KLF12: variants seen among roughly 807,000 people sequenced by gnomAD.
KLF12 encodes KLF transcription factor 12.
In KLF12, 9 loss-of-function variants were observed where a neutral mutation model predicts 37.8. The ratio of observed to expected loss-of-function variants is 0.24; its 90% CI spans 0.14 to 0.42. The LOEUF (loss-of-function observed/expected upper bound fraction) is 0.42. Among genes scored for constraint, KLF12 ranks in the 10% least tolerant of loss-of-function variants. KLF12 has a pLI of 1.00. For synonymous variants in KLF12, 208 were observed against 202.1 expected (o/e 1.03, Z -0.25); for missense variants, 411 against 516.0 (o/e 0.80, Z 1.97).
the KLF12 span, among the ~76,000 whole-genome samples, chr13:74,144,166 G>A: frequency 2.6e-5 from 4 of 152,290 alleles, no homozygotes; most frequent in East Asian, 1.9e-4. Flanking sequence ...TTGTAAATGA[G>A]TGTGAATTCC....
intron 5 of KLF12, among the ~76,000 whole-genome samples, chr13:73,773,277 A>C (rs1429216617): frequency 6.6e-6 from 1 of 151,826 alleles, no homozygotes; most frequent in Non-Finnish European, 1.5e-5. Flanking sequence ...TTGACTTTAA[A>C]CCTCTCTTCC....
chr13:74,100,533 A>C (rs2138866227), intron 1 of KLF12, among the ~76,000 whole-genome samples: 1 of 152,234 alleles, frequency 6.6e-6, no homozygotes, highest in East Asian at 1.9e-4. Context: ...CAAGAGAATC[A>C]GTTGAACCCA....
chr13:73,718,275 T>G (rs1336693257), intron 6 of KLF12, among the ~76,000 whole-genome samples: 2 of 152,214 alleles, frequency 1.3e-5, no homozygotes, highest in African/African-American at 2.4e-5. Flanking sequence ...TAATGAATGT[T>G]TCTTTAGGGA....
intron 5 of KLF12, among the ~76,000 whole-genome samples, chr13:73,776,551 C>CA (rs1880619054): frequency 6.6e-6 from 1 of 152,174 alleles, no homozygotes; most frequent in Admixed American, 6.5e-5. Flanking sequence ...CAAGCACTTT[C>CA]AAAATGCACC....
At chr13:74,241,936 A>G in the KLF12 span, among the ~76,000 whole-genome samples, 1 of 152,124 alleles carries the variant, frequency 6.6e-6, no homozygotes, top group Admixed American at 6.5e-5. Context: ...TGTAGACCGG[A>G]GCTGTTCCTA....
chr13:74,019,796 A>G (rs1892793934), intron 1 of KLF12, among the ~76,000 whole-genome samples: 1 of 152,238 alleles, frequency 6.6e-6, no homozygotes, highest in South Asian at 2.1e-4. Flanking sequence ...CTTTTCTTTC[A>G]GGAACCTCTG....
In KLF12 at chr13:73,691,605, T is replaced by C. The variant is rs931096388; in HGVS notation, c.*3885A>G. 3 of 152,644 alleles carry C rather than the reference T, an allele frequency of 2.0e-5. No homozygotes were observed. The highest frequency in any genetic ancestry group is 4.8e-5 in the African/African-American group (2 of 41,458). The allele number at this position is 152,644 out of a possible 1,614,324, so 9.5% of individuals were successfully genotyped here. Reference sequence around the variant, plus strand: ...CTCACTATAAATGTTAAGACATCTTTAGAACAACATCATGGCTACATTTCT... The same window carrying C: ...CTCACTATAAATGTTAAGACATCTTCAGAACAACATCATGGCTACATTTCT... On this transcript the variant is annotated 3_prime_UTR_variant, in exon 8 of 8. Coordinates refer to ENST00000377669, the MANE Select transcript of KLF12 (RefSeq NM_007249.5).
chr13:73,961,404 T>A (rs1659207629), intron 2 of KLF12, among the ~76,000 whole-genome samples: 1 of 152,050 alleles, frequency 6.6e-6, no homozygotes, highest in Admixed American at 6.6e-5. Flanking sequence ...TCTTCTCAGA[T>A]CTGTTAGAGA....
chr13:73,919,000 CA>C (rs975674471), intron 3 of KLF12, among the ~76,000 whole-genome samples: 1 of 152,186 alleles, frequency 6.6e-6, no homozygotes, highest in Non-Finnish European at 1.5e-5. Flanking sequence ...CCAAATGCCA[CA>C]AGCTAAACGG....
intron 1 of KLF12, among the ~76,000 whole-genome samples, chr13:74,131,587 A>C (rs549687773): frequency 6.6e-6 from 1 of 152,212 alleles, no homozygotes; most frequent in South Asian, 2.1e-4. Context: ...TCATTAGCAC[A>C]ACAATTTTTT....
chr13:74,291,149 T>A, the KLF12 span, among the ~76,000 whole-genome samples: 1 of 152,202 alleles, frequency 6.6e-6, no homozygotes, highest in Non-Finnish European at 1.5e-5. Context: ...CTAAGTGGGT[T>A]TTATTTTTAA....
rs1168114997 is a variant in KLF12, at chr13:73,688,680, T to C, written c.*6810A>G. On this transcript the variant is annotated 3_prime_UTR_variant, in exon 8 of 8. Transcript: ENST00000377669. ...TTTATAATGATCCTTCATGCATGAT[T>C]TTCCGGGAAAGGCCTGATTTCAAAT... is the stretch of plus-strand genomic sequence containing the variant. The C allele has an allele frequency of 6.6e-6, 1 of 152,196 alleles. No homozygotes were observed. Among genetic ancestry groups the C allele is most frequent in the African/African-American group, 2.4e-5 (1 of 41,448 alleles). 9.4% of individuals were successfully genotyped at this position (152,196 alleles called of 1,614,324 possible).
rs540961527 is a variant in KLF12, at chr13:73,992,693, T to A, written c.33+2297A>T. ...TTGTAAAAGCCATATTCAAATCCCTTTTCAACTATGGCAATGCAGCTTCCA... is the reference window on the plus strand; with the variant it reads ...TTGTAAAAGCCATATTCAAATCCCTATTCAACTATGGCAATGCAGCTTCCA... On this transcript the variant is annotated intron_variant, in intron 2 of 7. Coordinates refer to ENST00000377669, the MANE Select transcript of KLF12 (RefSeq NM_007249.5). Among the ~76,000 whole-genome samples, 7 of 152,318 alleles carry A rather than the reference T, an allele frequency of 4.6e-5. No individual in the cohort carries two copies. In the South Asian group the frequency reaches 1.5e-3, roughly 32 times the overall value.
At chr13:74,276,159 T>C in the KLF12 span, among the ~76,000 whole-genome samples, 1 of 151,884 alleles carries the variant, frequency 6.6e-6, no homozygotes, top group Non-Finnish European at 1.5e-5. Context: ...CCCCAGTGTG[T>C]GATGTTCCCC....
chr13:74,157,435 CTG>C, the KLF12 span, among the ~76,000 whole-genome samples: 1 of 152,168 alleles, frequency 6.6e-6, no homozygotes, highest in African/African-American at 2.4e-5. Flanking sequence ...AAAATCATTG[CTG>C]TATTTTAAAA....
chr13:74,136,513 T>A (rs972028298), upstream of KLF12, among the ~76,000 whole-genome samples: 1 of 152,208 alleles, frequency 6.6e-6, no homozygotes, highest in African/African-American at 2.4e-5. Context: ...GGAAGGATGC[T>A]GTAAGAAATT....
the KLF12 span, among the ~76,000 whole-genome samples, chr13:74,203,048 C>T: frequency 3.9e-5 from 6 of 152,064 alleles, no homozygotes; most frequent in Non-Finnish European, 8.8e-5. Context: ...TATTATTAAA[C>T]TCTCAGTTTT....
chr13:73,793,079 A>C (rs1881777599), intron 5 of KLF12, among the ~76,000 whole-genome samples: 1 of 152,200 alleles, frequency 6.6e-6, no homozygotes, highest in Non-Finnish European at 1.5e-5. Context: ...ACAAAGTGAC[A>C]ACCTTTCTAC....
At chr13:74,032,908 T>A (rs1422889375) in intron 1 of KLF12, among the ~76,000 whole-genome samples, 1 of 152,262 alleles carries the variant, frequency 6.6e-6, no homozygotes, top group Non-Finnish European at 1.5e-5. Flanking sequence ...CAGAAATATG[T>A]GTTTAATGTT....
Sources: allele counts gnomAD v4.1 joint callset (sites outside exome capture counted in the v4.1 genomes callset), GRCh38; gene constraint gnomAD v4.1.1; transcripts MANE v1.5; gene names NCBI Gene and HGNC (gene_info 2026-07-23, HGNC 2026-07-21).